DEAF1: variants seen among roughly 807,000 people sequenced by gnomAD.
DEAF1 encodes deformed epidermal autoregulatory factor 1 homolog.
DEAF1 carries 53 observed loss-of-function variants against 58.9 expected under a neutral mutation model. The ratio of observed to expected loss-of-function variants is 0.90; its 90% CI spans 0.72 to 1.13. The LOEUF is 1.13. DEAF1 is among the 50% of genes most tolerant of loss of function. The probability of loss-of-function intolerance (pLI) is 0.00; values close to 1 mark genes in which losing one functional copy is unlikely to be tolerated. For synonymous variants in DEAF1, 385 were observed against 340.4 expected, an observed-to-expected ratio of 1.13 and a Z score of -1.44; for missense variants, 685 against 791.4, an observed-to-expected ratio of 0.87 and a Z score of 1.61.
In DEAF1 at chr11:687,091, C is replaced by A. The variant is rs924603244; in HGVS notation, c.665-94G>T. 10 of 1,571,998 alleles carry A rather than the reference C, an allele frequency of 6.4e-6. No individual in the cohort carries two copies. The African/African-American group carries it at 1.2e-4, about 19-fold the overall frequency. On this transcript the variant is annotated intron_variant, in intron 4 of 11. Coordinates refer to ENST00000382409, the MANE Select transcript of DEAF1 (RefSeq NM_021008.4). ...GGCGCCTCCTCAACCCCTCCACCAG[C>A]ACCAGCGCCCCAGCGGCTCATGTGA... is the stretch of plus-strand genomic sequence containing the variant.
chr11:691,649 A>G, intron 1 of DEAF1, 51 bp from the exon 2 acceptor site: 1 of 1,545,056 alleles, frequency 6.5e-7, no homozygotes, highest in Non-Finnish European at 8.9e-7. Context: ...AGAATGGACA[A>G]AGCGAACAGC....
At chr11:649,200 G>A (rs759827739) in intron 11 of DEAF1, among the ~76,000 whole-genome samples, 5 of 152,122 alleles carry the variant, frequency 3.3e-5, no homozygotes, top group African/African-American at 4.8e-5. Context: ...GCAGTGAGCC[G>A]AGATTGCGCC....
At chr11:686,306 A>AAC (rs1183828509) in intron 5 of DEAF1, among the ~76,000 whole-genome samples, 2,785 of 150,992 alleles carry the variant, frequency 0.018, 98 homozygotes, top group African/African-American at 0.064. Context: ...AAAAAAAAAA[A>AAC]AAACCACAAA....
chr11:660,844 G>A (rs1455577371), intron 10 of DEAF1, among the ~76,000 whole-genome samples: 1 of 152,124 alleles, frequency 6.6e-6, no homozygotes, highest in Non-Finnish European at 1.5e-5. Context: ...AAATGTCACT[G>A]AAACACAAGC....
chr11:671,845 A>AAAAAAAAC (rs1859840396), intron 10 of DEAF1, among the ~76,000 whole-genome samples: 2 of 136,232 alleles, frequency 1.5e-5, no homozygotes, highest in African/African-American at 5.6e-5. Context: ...AAAAAAAAAA[A>AAAAAAAAC]AAAAGAAACA....
At chr11:653,838 G>T in intron 11 of DEAF1, 124 bp downstream of exon 11, 1 of 853,424 alleles carries the variant, frequency 1.2e-6, no homozygotes, top group South Asian at 1.3e-5. Context: ...CGGATTCCCA[G>T]AGGGAGGGAC....
rs543660316 is a variant in DEAF1 at position 667,724 on chromosome 11, G to A, written c.1503+6812C>T. Among the ~76,000 whole-genome samples, 6 of 152,194 alleles carry A rather than the reference G, an allele frequency of 3.9e-5. No homozygotes were observed. The South Asian group carries it at 1.0e-3, about 26-fold the overall frequency. ...CTCAGGAGGCTGAGGCAGGAGAATC[G>A]CTTGAACCAGGGAGTCGGAGGTTGC... On this transcript the variant is annotated intron_variant, in intron 10 of 11. Transcript: ENST00000382409.
At chr11:645,635 G>A (rs1487789860) in intron 11 of DEAF1, among the ~76,000 whole-genome samples, 2 of 152,164 alleles carry the variant, frequency 1.3e-5, no homozygotes, top group Admixed American at 6.5e-5. Context: ...TGTTTTTAAT[G>A]GCAAAGATGA....
intron 1 of DEAF1, among the ~76,000 whole-genome samples, chr11:701,364 TG>T (rs1301515435): frequency 7.5e-6 from 1 of 133,882 alleles, no homozygotes; most frequent in Non-Finnish European, 1.7e-5. Flanking sequence ...AATTTTGTTT[TG>T]TTTTGTTTTG....
chr11:667,564 G>A (rs545305183), intron 10 of DEAF1, among the ~76,000 whole-genome samples: 6 of 152,260 alleles, frequency 3.9e-5, no homozygotes, highest in Admixed American at 3.3e-4. Context: ...CACTTTGGGA[G>A]GCCGAGGCAG....
At chr11:690,057 T>G (rs577866089) in intron 2 of DEAF1, among the ~76,000 whole-genome samples, 1 of 150,872 alleles carries the variant, frequency 6.6e-6, no homozygotes, top group African/African-American at 2.4e-5. Context: ...CTGGGTGCGG[T>G]GGCTCATGCC....
intron 10 of DEAF1, among the ~76,000 whole-genome samples, chr11:658,952 A>G (rs1859192233): frequency 6.6e-6 from 1 of 152,256 alleles, no homozygotes; most frequent in Non-Finnish European, 1.5e-5. Context: ...CAAATTACAG[A>G]TAACAAAGCC....
intron 7 of DEAF1, among the ~76,000 whole-genome samples, chr11:680,594 G>A (rs910345129): frequency 1.3e-5 from 2 of 152,182 alleles, no homozygotes; most frequent in African/African-American, 4.8e-5. Flanking sequence ...CGGCCACAGA[G>A]AAAGACCCAC....
rs576507938 is a variant in DEAF1 at position 649,613 on chromosome 11, G to A, written c.1593+4349C>T. ...CACACTCCTGCAGTCCCAGTTACTCGGGAGAATGAGGCACGAGAATCCCTT... is the reference window on the plus strand; with the variant it reads ...CACACTCCTGCAGTCCCAGTTACTCAGGAGAATGAGGCACGAGAATCCCTT... On this transcript the variant is annotated intron_variant, in intron 11 of 11. Transcript: ENST00000382409. Among the ~76,000 whole-genome samples, 6 of 151,858 alleles carry A rather than the reference G, an allele frequency of 4.0e-5. No homozygotes were observed. In the South Asian group the frequency reaches 1.0e-3, roughly 26 times the overall value.
At chr11:695,429 G>A (rs868416256), upstream of DEAF1, 1 of 440,204 alleles carries the variant, frequency 2.3e-6, no homozygotes, top group Non-Finnish European at 3.8e-6. Context: ...GACAGGCTGA[G>A]GCGGCTGTCG....
intron 10 of DEAF1, among the ~76,000 whole-genome samples, chr11:664,444 C>T (rs942545528): frequency 9.4e-5 from 14 of 149,578 alleles, no homozygotes; most frequent in East Asian, 5.9e-4. Flanking sequence ...GAGGACAGGG[C>T]GTCACACTCG....
rs756650884 is a variant in DEAF1, at chr11:688,028, G to A, written c.547C>T (p.Pro183Ser). 1.2e-6 allele frequency: 2 copies of A among 1,614,052 alleles called. No individual in the cohort carries two copies. The highest frequency in any genetic ancestry group is 1.7e-6 in the Non-Finnish European group (2 of 1,180,034). ...GPQSPPTPLA[P>S]GQEKGGTKYN... ...TTAGTTCCACCTTTTTCTTGGCCGG[G>A]AGCCAGAGGGGTTGGAGGAGACTGA... The change falls in exon 4 of 12, where the codon CCC becomes TCC. Residue 183 changes from proline (P) to serine (S), a missense_variant. Pro to Ser is a moderately conservative substitution (Grantham distance 74). Transcript: ENST00000382409. The surrounding 1 kb of genome is among the most constrained non-coding windows in gnomAD (Gnocchi z 4.3).
chr11:705,471 A>T (rs1006113786), intron 1 of DEAF1: 1 of 153,270 alleles, frequency 6.5e-6, no homozygotes, highest in East Asian at 1.9e-4. Flanking sequence ...CCTGGGCCTG[A>T]CCACGGGGCA....
intron 1 of DEAF1, chr11:704,940 G>A (rs1349095960): frequency 5.8e-6 from 2 of 342,914 alleles, no homozygotes; most frequent in African/African-American, 2.1e-5. Flanking sequence ...TGGCGTGTGT[G>A]ACCCTGAGCT....
Sources: allele counts gnomAD v4.1 joint callset (sites outside exome capture counted in the v4.1 genomes callset), GRCh38; gene constraint gnomAD v4.1.1; non-coding constraint Gnocchi (gnomAD v3.1); transcripts MANE v1.5; gene names NCBI Gene and HGNC (gene_info 2026-07-23, HGNC 2026-07-21).